The following EDRF1 variants were observed in gnomAD, a reference collection of about 807,000 sequenced individuals.
EDRF1 encodes the protein erythroid differentiation-related factor 1.
A neutral mutation model predicts 148.7 loss-of-function variants in EDRF1; 69 were observed. The ratio of observed to expected loss-of-function variants is 0.46; its 90% confidence interval spans 0.38 to 0.57. EDRF1 has a LOEUF of 0.57. EDRF1 is among the 20% of genes least tolerant of loss of function. The probability of loss-of-function intolerance (pLI) is 0.00; values close to 1 mark genes in which losing one functional copy is unlikely to be tolerated. For missense variants in EDRF1, 1,118 were observed against 1,478.7 expected (o/e 0.76, Z 4.00); for synonymous variants, 515 against 532.8 (o/e 0.97, Z 0.46).
At chr10:125,757,559 G>T (rs1849968096) in intron 24 of EDRF1, among the ~76,000 whole-genome samples, 1 of 152,062 alleles carries the variant, frequency 6.6e-6, no homozygotes, top group African/African-American at 2.4e-5. Flanking sequence ...TTTTGTGTAG[G>T]TTTCTGTCTA....
At chr10:125,750,513 T>A (rs1186906385) in intron 22 of EDRF1, 1 of 152,226 alleles carries the variant, frequency 6.6e-6, no homozygotes, top group Non-Finnish European at 1.5e-5. Flanking sequence ...AACAATTATT[T>A]GAAGTGCAGC....
At position 125,758,851 on chromosome 10, in the gene EDRF1, G is replaced by A. The variant is rs148975455; in HGVS notation, c.3546-4450G>A. On this transcript the variant is annotated intron_variant, in intron 24 of 24. Coordinates refer to ENST00000356792, the MANE Select transcript of EDRF1 (RefSeq NM_001202438.2). ...TAAGCCTCAGTCCAGGCAGACACTC[G>A]TGTCCCTGAGTCTCAGGACTGTGGC... Among the ~76,000 whole-genome samples, 14 of 152,224 alleles carry A rather than the reference G, an allele frequency of 9.2e-5. No homozygotes were observed. In the East Asian group the frequency reaches 1.7e-3, roughly 19 times the overall value.
At chr10:125,749,179 G>A (rs554539559) in intron 21 of EDRF1, 4 of 508,550 alleles carry the variant, frequency 7.9e-6, no homozygotes, top group East Asian at 7.2e-5. Context: ...TTCAGGAGGC[G>A]GAGGTTGCAG....
At chr10:125,734,544 C>A (rs1015866216) in intron 12 of EDRF1, among the ~76,000 whole-genome samples, 1 of 152,126 alleles carries the variant, frequency 6.6e-6, no homozygotes, top group African/African-American at 2.4e-5. Context: ...TTCTCTCAGA[C>A]AGCACTGCTC....
chr10:125,745,614 C>CA (rs1849310592), intron 18 of EDRF1, 93 bp from the exon 19 acceptor site: 1 of 1,333,742 alleles, frequency 7.5e-7, no homozygotes, highest in Admixed American at 1.8e-5. Context: ...ACACTCCTGT[C>CA]ACTGCCATCC....
In EDRF1 at chr10:125,740,980, C is replaced by T. The variant is rs546558741; in HGVS notation, c.2171-21C>T. The T allele has an allele frequency of 3.0e-4, 477 of 1,609,414 alleles. 10 individuals are homozygous for T. The South Asian group carries it at 4.9e-3, about 17-fold the overall frequency. On this transcript the variant is annotated intron_variant, in intron 16 of 24. Coordinates refer to ENST00000356792, the MANE Select transcript of EDRF1 (RefSeq NM_001202438.2). ...TTTTTCTGCATTTGTGTTTTTTCTT[C>T]TTCCCTCCCTTTCTAAACAGATACT...
rs1180115582 is a variant in EDRF1 at position 125,729,368 on chromosome 10, A to G, written c.905A>G (p.Asn302Ser). The change falls in exon 8 of 25, where the codon AAT (asparagine) becomes AGT (serine). Residue 302 changes from asparagine to serine, a missense_variant. Asn to Ser is a conservative substitution (Grantham distance 46). Transcript: ENST00000356792. ...NDGEHSQGLK[N>S]DFVRNILWTF... ...TATTTTAAATCACAGGGTCTTAAAA[A>G]TGATTTTGTTCGGAATATTCTATGG... 1.4e-5 allele frequency: 23 copies of G among 1,613,384 alleles called. No homozygotes were observed. The highest frequency in any genetic ancestry group is 1.9e-5 in the Non-Finnish European group (22 of 1,179,412).
intron 24 of EDRF1, chr10:125,756,934 C>T: frequency 2.5e-6 from 1 of 396,016 alleles, no homozygotes. Flanking sequence ...ACCTCAGCCT[C>T]TCAGAGTAGC....
At position 125,745,847 on chromosome 10, in the gene EDRF1, C is replaced by T. The variant is rs760815186; in HGVS notation, c.2731C>T (p.Arg911Trp). The change falls in exon 19 of 25, where the codon CGG (arginine) becomes TGG (tryptophan). Residue 911 changes from arginine (R) to tryptophan (W), a missense_variant. Transcript: ENST00000356792. ...ATTATGTAACACGGGAAGGCTCATG[C>T]GGATTTGTGCGCAGGCCCACTGTGG... ...LLLCNTGRLM[R>W]ICAQAHCGAG... 3.1e-6 allele frequency: 5 copies of T among 1,614,064 alleles called. No homozygotes were observed. The highest frequency in any genetic ancestry group is 1.3e-5 in the African/African-American group (1 of 74,918).
chr10:125,735,909 GC>G lies in EDRF1; in HGVS notation c.1758+7del. The G allele has an allele frequency of 6.2e-7, 1 of 1,601,040 alleles. No homozygotes were observed. The highest frequency in any genetic ancestry group is 8.5e-7 in the Non-Finnish European group (1 of 1,170,992). ...AAATCTATTCATCAAATCAGAGTAAGCCTTTAGAATTTATATTAAATTTTTA... is the reference window on the plus strand; with the variant it reads ...AAATCTATTCATCAAATCAGAGTAAGCTTTAGAATTTATATTAAATTTTTA... On this transcript the variant is annotated splice_donor_region_variant and intron_variant, in intron 13 of 24. Coordinates refer to ENST00000356792, the MANE Select transcript of EDRF1 (RefSeq NM_001202438.2).
chr10:125,741,602 G>T, intron 17 of EDRF1: 1 of 223,948 alleles, frequency 4.5e-6, no homozygotes, highest in Non-Finnish European at 9.1e-6. Flanking sequence ...TGTATAAAAT[G>T]GTTTTTAAGT....
chr10:125,763,269 CT>C lies in EDRF1; in HGVS notation c.3546-30del. The C allele has an allele frequency of 6.2e-7, 1 of 1,601,992 alleles. No individual in the cohort carries two copies. Among genetic ancestry groups the C allele is most frequent in the Non-Finnish European group, 8.5e-7 (1 of 1,175,462 alleles). On this transcript the variant is annotated intron_variant, in intron 24 of 24. Transcript: ENST00000356792. This position sits in a 1 kb window ranked among gnomAD's most constrained non-coding sequence, Gnocchi z 4.3. Reference sequence around the variant, plus strand: ...AATTGTCGGTAGGCATTGCTGGTCCCTTACCTGTCTCTTTTTCTTTTTTAAC... The same window carrying C: ...AATTGTCGGTAGGCATTGCTGGTCCCTACCTGTCTCTTTTTCTTTTTTAAC...
At chr10:125,725,640 A>G in intron 5 of EDRF1, 42 bp from the exon 6 acceptor site, 1 of 1,612,874 alleles carries the variant, frequency 6.2e-7, no homozygotes, top group East Asian at 2.2e-5. Context: ...CATGAAGTTA[A>G]CTTTAGTAAC....
chr10:125,723,507 T>C lies in EDRF1; in HGVS notation c.385-304T>C, dbSNP rs566428499. Among the ~76,000 whole-genome samples the C allele has an allele frequency of 1.4e-4, 21 of 152,340 alleles. No individual in the cohort carries two copies. The South Asian group carries it at 2.3e-3, about 17-fold the overall frequency. On this transcript the variant is annotated intron_variant, in intron 3 of 24. Coordinates refer to ENST00000356792, the MANE Select transcript of EDRF1 (RefSeq NM_001202438.2). The stretch of plus-strand genomic sequence containing the variant: ...GATCCTTAGTGGCTTTGATCTGATA[T>C]GCTAAAAGCCTGGGTCAGCATAACA...
chr10:125,750,442 A>G (rs1487792464), intron 22 of EDRF1: 3 of 152,200 alleles, frequency 2.0e-5, no homozygotes, highest in Non-Finnish European at 4.4e-5. Context: ...TTGCTCACCT[A>G]TTCTCCTCTC....
At position 125,729,076 on chromosome 10, in the gene EDRF1, C is replaced by T; in HGVS notation, c.866C>T (p.Thr289Ile). Residue 289 changes from threonine (T) to isoleucine (I), a missense_variant, in exon 7 of 25, where the codon ACT (threonine) becomes ATT (isoleucine). Physicochemically the swap from Thr to Ile is moderately conservative, Grantham distance 89 (BLOSUM62 -1). Transcript: ENST00000356792. ...GCCCCCAAAGAACAAAACCTGATTA[C>T]TTTATTCAATGACGGGGAGCACAGT... is the stretch of plus-strand genomic sequence containing the variant. ...ASAPKEQNLI[T>I]LFNDGEHSQG... is the part of the protein sequence containing the mutation. 2.5e-6 allele frequency: 4 copies of T among 1,575,128 alleles called. No individual in the cohort carries two copies. The highest frequency in any genetic ancestry group is 1.7e-4 in the Middle Eastern group (1 of 6,036).
chr10:125,749,479 A>C lies in EDRF1; in HGVS notation c.3191A>C (p.Lys1064Thr), dbSNP rs149263412. The change falls in exon 22 of 25, where the codon AAG becomes ACG. Residue 1064 changes from lysine (K) to threonine (T), a missense_variant. By Grantham distance (78) the Lys-to-Thr change is moderately conservative. Around this residue, in one of 3 missense-constraint regions of EDRF1, gnomAD observed 954 missense variants for 1,241.4 expected, o/e 0.77. Coordinates refer to ENST00000356792, the MANE Select transcript of EDRF1 (RefSeq NM_001202438.2). ...GATCTTCATTACAGCAAGGCCGCAA[A>C]GCTGTTTCAGCTGCTGAAAGATGCT... ...LADLHYSKAA[K>T]LFQLLKDAPC... The C allele has an allele frequency of 6.3e-5, 101 of 1,614,188 alleles. 1 individual carries two copies. The African/African-American group carries it at 8.3e-4, about 13-fold the overall frequency.
In EDRF1 at chr10:125,729,115, C is replaced by T; in HGVS notation, c.894+11C>T. The T allele has an allele frequency of 6.4e-7, 1 of 1,553,492 alleles. No homozygotes were observed. Among genetic ancestry groups the T allele is most frequent in the Admixed American group, 1.9e-5 (1 of 53,032 alleles). ...GGGGAGCACAGTCAGGTATGCTTTC[C>T]ATGGTGTCCAAGGTGACAGCAAATC... is the stretch of plus-strand genomic sequence containing the variant. On this transcript the variant is annotated intron_variant, in intron 7 of 24. Coordinates refer to ENST00000356792, the MANE Select transcript of EDRF1 (RefSeq NM_001202438.2).
chr10:125,730,223 T>C, intron 8 of EDRF1, 65 bp from the exon 9 acceptor site: 1 of 1,265,296 alleles, frequency 7.9e-7, no homozygotes, highest in Non-Finnish European at 1.2e-6. Flanking sequence ...GTGAAATAAC[T>C]TTCAGATGAT....
Sources: gnomAD v4.1 joint callset for allele counts (sites outside exome capture counted in the v4.1 genomes callset) on GRCh38, gnomAD v4.1.1 for gene constraint, gnomAD v4.1.1 regional missense constraint, Gnocchi (gnomAD v3.1) non-coding constraint, MANE v1.5 for transcripts, NCBI Gene and HGNC (gene_info 2026-07-23, HGNC 2026-07-21) for gene names.